Variants in CNTN6 observed in about 807,000 individuals in gnomAD.
CNTN6 encodes the protein contactin-6.
CNTN6 carries 137 observed loss-of-function variants against 122.8 expected under a neutral mutation model. The ratio of observed to expected loss-of-function variants is 1.12; its 90% CI spans 0.97 to 1.29. The LOEUF (loss-of-function observed/expected upper bound fraction) is 1.29. CNTN6 is among the 50% of genes most tolerant of loss of function. CNTN6 has a pLI of 0.00. For synonymous variants in CNTN6, 570 were observed against 426.0 expected (o/e 1.34, Z -4.16); for missense variants, 1,634 against 1,223.4 (o/e 1.34, Z -5.01).
chr3:1,158,969 C>CACATATATAT lies in CNTN6; in HGVS notation c.55+10907_55+10908insCATATATATA, dbSNP rs1553610778. Among the ~76,000 whole-genome samples the CACATATATAT allele has an allele frequency of 3.7e-3, 414 of 112,756 alleles. 50 individuals carry two copies. Among genetic ancestry groups the CACATATATAT allele is most frequent in the African/African-American group, 0.015 (383 of 26,116 alleles). 74.0% of individuals were successfully genotyped at this position (112,756 alleles called of 152,430 possible). A position where few individuals can be genotyped will look rare whatever the true frequency, so the allele number is the denominator to read the frequency against. ...ATATATATATACACACACACACACA[C>CACATATATAT]ATATATATATATATAGACAAGGTCT... On this transcript the variant is annotated intron_variant, in intron 2 of 22. Coordinates refer to ENST00000446702, the MANE Select transcript of CNTN6 (RefSeq NM_001289080.2).
chr3:1,217,440 T>G (rs1023215929), intron 2 of CNTN6, among the ~76,000 whole-genome samples: 2 of 152,226 alleles, frequency 1.3e-5, no homozygotes, highest in Admixed American at 1.3e-4. Context: ...TTTCTTTTAT[T>G]TCCCTTTTTA....
intron 4 of CNTN6, among the ~76,000 whole-genome samples, chr3:1,270,073 A>G (rs1473495473): frequency 6.6e-6 from 1 of 152,178 alleles, no homozygotes; most frequent in Non-Finnish European, 1.5e-5. Flanking sequence ...GTGCTTGATT[A>G]GGTTATGTCG....
At chr3:1,285,792 G>A (rs180977227) in intron 5 of CNTN6, among the ~76,000 whole-genome samples, 5 of 152,196 alleles carry the variant, frequency 3.3e-5, no homozygotes, top group Admixed American at 3.3e-4. Flanking sequence ...GGCATAATCT[G>A]GTCCAGAAGA....
chr3:1,382,837 C>T (rs1692116820), intron 17 of CNTN6, 105 bp from the exon 18 acceptor site: 1 of 750,558 alleles, frequency 1.3e-6, no homozygotes, highest in African/African-American at 1.8e-5. Flanking sequence ...GAATAAATAT[C>T]CATATTTGTC....
intron 2 of CNTN6, among the ~76,000 whole-genome samples, chr3:1,175,800 G>A (rs1439309790): frequency 1.4e-5 from 2 of 145,788 alleles, no homozygotes; most frequent in South Asian, 2.2e-4. Context: ...CGGGACTCTT[G>A]CTGTAGCAAC....
chr3:1,291,178 AC>A (rs1213245448), intron 5 of CNTN6, among the ~76,000 whole-genome samples: 2 of 152,146 alleles, frequency 1.3e-5, no homozygotes, highest in African/African-American at 2.4e-5. Context: ...TAGTTCTTGC[AC>A]CCTTAGCCTC....
intron 1 of CNTN6, among the ~76,000 whole-genome samples, chr3:1,146,364 AC>A (rs1293808665): frequency 6.6e-6 from 1 of 152,026 alleles, no homozygotes; most frequent in Non-Finnish European, 1.5e-5. Flanking sequence ...ACCTGAGCCC[AC>A]TGTCTCTCTT....
At chr3:1,093,484 T>G (rs554677664) in intron 1 of CNTN6, among the ~76,000 whole-genome samples, 2 of 152,132 alleles carry the variant, frequency 1.3e-5, no homozygotes, top group African/African-American at 4.8e-5. Flanking sequence ...ACGCCCTTTC[T>G]GTAACGGCAG....
chr3:1,198,684 T>C (rs1301840685), intron 2 of CNTN6, among the ~76,000 whole-genome samples: 4 of 150,312 alleles, frequency 2.7e-5, no homozygotes, highest in Non-Finnish European at 5.9e-5. Context: ...GTTGCAACAT[T>C]GCACTCCAGC....
intron 1 of CNTN6, among the ~76,000 whole-genome samples, chr3:1,122,369 A>G: frequency 6.9e-6 from 1 of 144,346 alleles, no homozygotes; most frequent in East Asian, 2.0e-4. Context: ...GGAGGAAGGA[A>G]GGAAGGAAGG....
chr3:1,319,018 G>GA (rs201034792), intron 7 of CNTN6, among the ~76,000 whole-genome samples: 1,694 of 151,618 alleles, frequency 0.011, 32 homozygotes, highest in African/African-American at 0.039. Context: ...GTATCAAAGG[G>GA]AAAAAATGCT....
chr3:1,094,357 AAAAG>A (rs1434505333), intron 1 of CNTN6, among the ~76,000 whole-genome samples: 1 of 152,214 alleles, frequency 6.6e-6, no homozygotes, highest in African/African-American at 2.4e-5. Flanking sequence ...TGTGTAAAAA[AAAAG>A]AAATACAGAA....
intron 1 of CNTN6, among the ~76,000 whole-genome samples, chr3:1,130,405 A>G (rs1046500514): frequency 2.6e-5 from 4 of 152,110 alleles, no homozygotes; most frequent in African/African-American, 9.7e-5. Context: ...TCCTCCAAGC[A>G]AGAAAAAGCA....
At chr3:1,244,748 C>T (rs1294228015) in intron 4 of CNTN6, among the ~76,000 whole-genome samples, 1 of 151,832 alleles carries the variant, frequency 6.6e-6, no homozygotes, top group African/African-American at 2.4e-5. Context: ...AGGGGTGGGG[C>T]TGTTTTATAG....
At chr3:1,110,488 G>T (rs1055140648) in intron 1 of CNTN6, among the ~76,000 whole-genome samples, 28 of 152,050 alleles carry the variant, frequency 1.8e-4, no homozygotes, top group African/African-American at 6.8e-4. Context: ...TGGATGGTGG[G>T]CTAGGCACAT....
At chr3:1,377,897 C>T (rs909633603) in intron 17 of CNTN6, among the ~76,000 whole-genome samples, 36 of 152,090 alleles carry the variant, frequency 2.4e-4, no homozygotes, top group African/African-American at 7.7e-4. Flanking sequence ...AATTATCAGA[C>T]GCTGCCATTT....
At chr3:1,286,170 G>T (rs997337021) in intron 5 of CNTN6, among the ~76,000 whole-genome samples, 1 of 152,214 alleles carries the variant, frequency 6.6e-6, no homozygotes, top group African/African-American at 2.4e-5. Flanking sequence ...AGGGCCAGAT[G>T]TTGGGGAGAT....
chr3:1,139,513 C>T (rs1027438881), intron 1 of CNTN6, among the ~76,000 whole-genome samples: 2 of 152,138 alleles, frequency 1.3e-5, no homozygotes, highest in African/African-American at 2.4e-5. Context: ...CACATTTAAT[C>T]AGCTCCTCAT....
At chr3:1,178,898 C>A (rs1199489933) in intron 2 of CNTN6, among the ~76,000 whole-genome samples, 3 of 152,104 alleles carry the variant, frequency 2.0e-5, no homozygotes, top group Admixed American at 6.6e-5. Context: ...AATCTCTTCA[C>A]ACTGCAACTC....
Sources: allele counts gnomAD v4.1 joint callset (sites outside exome capture counted in the v4.1 genomes callset), GRCh38; gene constraint gnomAD v4.1.1; transcripts MANE v1.5; gene names NCBI Gene and HGNC (gene_info 2026-07-23, HGNC 2026-07-21).